The following SORBS2 variants were observed in gnomAD, a reference collection of about 807,000 sequenced individuals.
The protein encoded by SORBS2 is sorbin and SH3 domain-containing protein 2.
SORBS2 carries 46 observed loss-of-function variants against 97.7 expected under a neutral mutation model. The observed-to-expected ratio is 0.47, with a 90% CI of 0.37 to 0.60. The LOEUF (loss-of-function observed/expected upper bound fraction) is 0.60. SORBS2 is among the 20% of genes least tolerant of loss of function. The pLI, the probability that SORBS2 is intolerant of heterozygous loss-of-function variation, is 0.00. For missense variants in SORBS2, 1,316 were observed against 1,282.3 expected (o/e 1.03, Z -0.40); for synonymous variants, 476 against 473.4 (o/e 1.01, Z -0.07).
chr4:185,856,569 T>A (rs1157197506), intron 1 of SORBS2, among the ~76,000 whole-genome samples: 1 of 152,150 alleles, frequency 6.6e-6, no homozygotes, highest in African/African-American at 2.4e-5. Context: ...TAAAAAAGGA[T>A]CATAAGTTAA....
chr4:185,705,055 C>T (rs1293207536), intron 2 of SORBS2, among the ~76,000 whole-genome samples: 1 of 152,196 alleles, frequency 6.6e-6, no homozygotes, highest in East Asian at 1.9e-4. Flanking sequence ...CACATGTGCA[C>T]ATACACAAAC....
exon 2 of SORBS2, chr4:185,652,704 A>G (rs761028923): frequency 1.9e-6 from 3 of 1,614,072 alleles, no homozygotes; most frequent in African/African-American, 2.7e-5. Flanking sequence ...ATCGTCTTGT[A>G]CCAGTCCTTG....
At chr4:185,910,107 G>C (rs1269200678) in intron 1 of SORBS2, among the ~76,000 whole-genome samples, 1 of 152,016 alleles carries the variant, frequency 6.6e-6, no homozygotes, top group Non-Finnish European at 1.5e-5. Flanking sequence ...ATGTGATTCA[G>C]CCCAAATTCC....
chr4:185,600,139 G>GCA (rs976414665), intron 12 of SORBS2, among the ~76,000 whole-genome samples: 1 of 152,128 alleles, frequency 6.6e-6, no homozygotes, highest in African/African-American at 2.4e-5. Flanking sequence ...CTTTTTCCAT[G>GCA]CACACACAGC....
chr4:185,687,735 C>T (rs2097996412), intron 2 of SORBS2, among the ~76,000 whole-genome samples: 2 of 152,122 alleles, frequency 1.3e-5, no homozygotes, highest in Non-Finnish European at 2.9e-5. Flanking sequence ...TAAATGGAGG[C>T]TCTGTCTTTA....
rs34965174 is a variant in SORBS2, at chr4:185,943,248, G to A, written c.-338+12948C>T. On this transcript the variant is annotated intron_variant, in intron 1 of 20. Coordinates refer to the SORBS2 transcript ENST00000284776. ...GAACCTAGTAGTTATGGACAAATAG[G>A]ATATTCCACATAGTAACAAATTACC... Among the ~76,000 whole-genome samples, 284 of 152,274 alleles carry A rather than the reference G, an allele frequency of 1.9e-3. 1 individual carries two copies. The highest frequency in any genetic ancestry group is 3.4e-3 in the Non-Finnish European group (228 of 68,026).
intron 12 of SORBS2, among the ~76,000 whole-genome samples, chr4:185,596,530 CT>C (rs58831094): frequency 0.014 from 1,100 of 77,370 alleles, 3 homozygotes; most frequent in African/African-American, 0.044. Context: ...ACCGTCCTTG[CT>C]TTTTTTTTTT....
At chr4:185,658,378 G>A (rs1290116951), upstream of SORBS2, among the ~76,000 whole-genome samples, 2 of 150,086 alleles carry the variant, frequency 1.3e-5, no homozygotes, top group African/African-American at 2.5e-5. Context: ...CAGACATGCA[G>A]TATATAGTCC....
At chr4:185,614,411 T>C (rs901480297) in intron 11 of SORBS2, among the ~76,000 whole-genome samples, 1 of 152,112 alleles carries the variant, frequency 6.6e-6, no homozygotes, top group Non-Finnish European at 1.5e-5. Flanking sequence ...GGATCTTCTT[T>C]ACCTAGGACC....
chr4:185,932,984 T>C (rs1366474047), intron 1 of SORBS2: 4 of 152,230 alleles, frequency 2.6e-5, no homozygotes, highest in African/African-American at 9.6e-5. Context: ...ATGCTTCTCC[T>C]AAAAATGTCT....
intron 2 of SORBS2, among the ~76,000 whole-genome samples, chr4:185,724,296 A>G (rs1460127279): frequency 2.0e-5 from 3 of 149,322 alleles, no homozygotes; most frequent in African/African-American, 5.0e-5. Context: ...GCATGTTTTT[A>G]TTGAATACTT....
At chr4:185,694,730 G>A (rs1465377280) in intron 2 of SORBS2, among the ~76,000 whole-genome samples, 3 of 34,464 alleles carry the variant, frequency 8.7e-5, no homozygotes, top group African/African-American at 1.8e-4. Flanking sequence ...TTTTTGAGAC[G>A]GAGTCTCACT....
chr4:185,777,667 G>A (rs1038506671), intron 1 of SORBS2, among the ~76,000 whole-genome samples: 1 of 152,164 alleles, frequency 6.6e-6, no homozygotes, highest in Non-Finnish European at 1.5e-5. Context: ...TCTGCTGTAA[G>A]TGTAAAGCTT....
intron 1 of SORBS2, among the ~76,000 whole-genome samples, chr4:185,827,141 CCATTGCCAT>C (rs2099200629): frequency 1.1e-5 from 1 of 91,276 alleles, no homozygotes; most frequent in Non-Finnish European, 2.3e-5. Flanking sequence ...ATCATCATCA[CCATTGCCAT>C]CATCATCATC....
chr4:185,948,992 G>C (rs1328378870), intron 1 of SORBS2, among the ~76,000 whole-genome samples: 1 of 151,936 alleles, frequency 6.6e-6, no homozygotes, highest in Non-Finnish European at 1.5e-5. Context: ...TGTTTGAAGA[G>C]TTATTAAAAG....
intron 2 of SORBS2, among the ~76,000 whole-genome samples, chr4:185,719,817 C>T (rs1435355702): frequency 6.6e-6 from 1 of 152,236 alleles, no homozygotes; most frequent in East Asian, 1.9e-4. Flanking sequence ...ATGGTTATTA[C>T]ACATGGCAGA....
At chr4:185,828,321 T>G (rs1481003648) in intron 1 of SORBS2, among the ~76,000 whole-genome samples, 4 of 152,008 alleles carry the variant, frequency 2.6e-5, no homozygotes, top group Non-Finnish European at 4.4e-5. Flanking sequence ...CTGCCCACAC[T>G]AGGAGACGCA....
chr4:185,900,494 T>C (rs28459616), intron 1 of SORBS2, among the ~76,000 whole-genome samples: 108,166 of 152,002 alleles, frequency 0.71, 38,574 homozygotes, highest in Middle Eastern at 0.85. Context: ...GACTACTAGG[T>C]TATAGAGATG....
intron 2 of SORBS2, among the ~76,000 whole-genome samples, chr4:185,763,217 C>T (rs2098913798): frequency 6.6e-6 from 1 of 151,998 alleles, no homozygotes; most frequent in Non-Finnish European, 1.5e-5. Context: ...AAACAAAAAG[C>T]AGGTACAAGA....
Sources: gnomAD v4.1 joint callset for allele counts (sites outside exome capture counted in the v4.1 genomes callset) on GRCh38, gnomAD v4.1.1 for gene constraint, MANE v1.5 for transcripts, NCBI Gene and HGNC (gene_info 2026-07-23, HGNC 2026-07-21) for gene names.